Variants in DMRT3 observed in about 807,000 individuals in gnomAD.
DMRT3 encodes doublesex and mab-3 related transcription factor 3.
DMRT3 carries 29 observed loss-of-function variants against 34.9 expected under a neutral mutation model. The ratio of observed to expected loss-of-function variants is 0.83; its 90% CI spans 0.62 to 1.13. The LOEUF (loss-of-function observed/expected upper bound fraction) is 1.13. DMRT3 is among the 50% of genes most tolerant of loss of function. DMRT3 has a pLI of 0.00. For missense variants in DMRT3, 772 were observed against 629.1 expected (o/e 1.23, Z -2.43); for synonymous variants, 350 against 286.0 (o/e 1.22, Z -2.26).
Position 976,984 on chromosome 9 carries a change from C to A in DMRT3, c.-18C>A. The A allele has an allele frequency of 6.8e-7, 1 of 1,468,372 alleles. No homozygotes were observed. Among genetic ancestry groups the A allele is most frequent in the Non-Finnish European group, 9.0e-7 (1 of 1,107,690 alleles). The allele number at this position is 1,468,372 out of a possible 1,614,324, so 91.0% of individuals were successfully genotyped here. On this transcript the variant is annotated 5_prime_UTR_variant, in exon 1 of 2. Coordinates refer to ENST00000190165, the MANE Select transcript of DMRT3 (RefSeq NM_021240.4). The surrounding 1 kb of genome is among the most constrained non-coding windows in gnomAD (Gnocchi z 4.5). The stretch of plus-strand genomic sequence containing the variant: ...CTCTCCCGCAGCCAGGCTGCCAACT[C>A]ATTCGGGAGCCCGGGGCATGAACGG...
intron 1 of DMRT3, among the ~76,000 whole-genome samples, chr9:981,225 C>T (rs1405768724): frequency 6.6e-6 from 1 of 151,986 alleles, no homozygotes; most frequent in Non-Finnish European, 1.5e-5. Context: ...CTGGGCTTTT[C>T]TGCTCCGGCT....
chr9:977,503 T>A (rs761189699), intron 1 of DMRT3, 48 bp downstream of exon 1: 1 of 1,245,240 alleles, frequency 8.0e-7, no homozygotes, highest in Non-Finnish European at 1.0e-6. Context: ...GGGGGCAACT[T>A]CGGAGTGCCA....
At chr9:986,256 G>C (rs529382540) in intron 1 of DMRT3, among the ~76,000 whole-genome samples, 24 of 152,126 alleles carry the variant, frequency 1.6e-4, no homozygotes, top group African/African-American at 5.8e-4. Flanking sequence ...GTACAAGAGT[G>C]GAATTTTATA....
intron 1 of DMRT3, among the ~76,000 whole-genome samples, chr9:987,226 C>T (rs1435268153): frequency 6.6e-6 from 1 of 152,150 alleles, no homozygotes; most frequent in Non-Finnish European, 1.5e-5. Flanking sequence ...TTCCTCCAGC[C>T]CCTGACAACC....
At chr9:978,308 G>GTC (rs1286470153) in intron 1 of DMRT3, among the ~76,000 whole-genome samples, 15 of 152,150 alleles carry the variant, frequency 9.9e-5, no homozygotes, top group Admixed American at 2.0e-4. Flanking sequence ...GAGTCTCTTA[G>GTC]TCTCTCTCTT....
chr9:978,551 C>A (rs1820179655), intron 1 of DMRT3, among the ~76,000 whole-genome samples: 1 of 152,188 alleles, frequency 6.6e-6, no homozygotes, highest in Non-Finnish European at 1.5e-5. Context: ...TGCCAACTCC[C>A]TAAAGACGGT....
intron 1 of DMRT3, among the ~76,000 whole-genome samples, chr9:988,385 T>G (rs953127979): frequency 1.3e-5 from 2 of 152,238 alleles, no homozygotes; most frequent in African/African-American, 4.8e-5. Context: ...TTGCCACATA[T>G]TTATTGCTTT....
chr9:989,705 C>T (rs62530327), intron 1 of DMRT3: 501 of 187,634 alleles, frequency 2.7e-3, no homozygotes, highest in Non-Finnish European at 3.4e-3. Flanking sequence ...TTCCAGGAGT[C>T]CCCCACCCCT....
chr9:990,396 C>T lies in DMRT3; in HGVS notation c.810C>T (p.Ile270=). The T allele has an allele frequency of 2.5e-6, 4 of 1,614,090 alleles. No individual in the cohort carries two copies. The highest frequency in any genetic ancestry group is 2.5e-6 in the Non-Finnish European group (3 of 1,180,022). ...PNQKPTVLEL[I]LKGCGGDLVS... ...AGAAGCCAACGGTGCTTGAGCTCATCCTCAAGGGCTGTGGCGGGGACCTGG... is the reference window on the plus strand; with the variant it reads ...AGAAGCCAACGGTGCTTGAGCTCATTCTCAAGGGCTGTGGCGGGGACCTGG... The change falls in exon 2 of 2, where the codon ATC becomes ATT. Residue 270 remains isoleucine, a synonymous_variant. Transcript: ENST00000190165.
chr9:984,225 G>T (rs1820255298), intron 1 of DMRT3, among the ~76,000 whole-genome samples: 1 of 152,158 alleles, frequency 6.6e-6, no homozygotes, highest in Admixed American at 6.5e-5. Context: ...ATTTACAGGT[G>T]TGTTCCCCAC....
rs1820344350 is a variant in DMRT3 at position 990,491 on chromosome 9, C to A, written c.905C>A (p.Pro302His). ...GGAGCAGAGCGAACTTCCGCAGAAC[C>A]TGAGAGTCTAGCGTTGCCCTCCAAT... ...VTGAERTSAE[P>H]ESLALPSNGH... Residue 302 changes from proline (P) to histidine (H), a missense_variant, in exon 2 of 2, where the codon CCT becomes CAT. Coordinates refer to ENST00000190165, the MANE Select transcript of DMRT3 (RefSeq NM_021240.4). 6.2e-7 allele frequency: 1 copy of A among 1,614,066 alleles called. No individual in the cohort carries two copies. Among genetic ancestry groups the A allele is most frequent in the Non-Finnish European group, 8.5e-7 (1 of 1,180,042 alleles).
chr9:990,906 T>C lies in DMRT3; in HGVS notation c.1320T>C (p.Asp440=), dbSNP rs1399058801. ...ACCCTCGGATTTCCATCCCTGATGATGGGTGTCCATTTGTGTCAAAGCAGT... is the reference window on the plus strand; with the variant it reads ...ACCCTCGGATTTCCATCCCTGATGACGGGTGTCCATTTGTGTCAAAGCAGT... ...TEDPRISIPD[D]GCPFVSKQSI... Residue 440 remains aspartate (D), a synonymous_variant, in exon 2 of 2, where the codon GAT becomes GAC. Transcript: ENST00000190165. 1 of 1,614,156 alleles carries C rather than the reference T, an allele frequency of 6.2e-7. No individual in the cohort carries two copies. The highest frequency in any genetic ancestry group is 1.3e-5 in the African/African-American group (1 of 75,040).
chr9:985,006 A>G (rs769427642), intron 1 of DMRT3, among the ~76,000 whole-genome samples: 12 of 152,176 alleles, frequency 7.9e-5, no homozygotes, highest in Non-Finnish European at 1.5e-4. Flanking sequence ...CTTATGGCAT[A>G]TATATTTTGA....
chr9:989,849 C>G (rs1820330227), intron 1 of DMRT3, 192 bp from the exon 2 acceptor site: 1 of 651,582 alleles, frequency 1.5e-6, no homozygotes, highest in African/African-American at 1.8e-5. Context: ...ATTTCTAGAT[C>G]TTTATTTACA....
In DMRT3 at chr9:976,771, G is replaced by A. The variant is rs1469369570; in HGVS notation, c.-231G>A. Among the ~76,000 whole-genome samples, 2 of 152,184 alleles carry A rather than the reference G, an allele frequency of 1.3e-5. No homozygotes were observed. Among genetic ancestry groups the A allele is most frequent in the Admixed American group, 6.5e-5 (1 of 15,284 alleles). ...CTGCGCGCCCAAGGCAGAGGCCCGCGTCGGCGTTGGCTGGGCGTGAGCTGG... is the reference window on the plus strand; with the variant it reads ...CTGCGCGCCCAAGGCAGAGGCCCGCATCGGCGTTGGCTGGGCGTGAGCTGG... On this transcript the variant is annotated 5_prime_UTR_variant, in exon 1 of 2. Transcript: ENST00000190165. The surrounding 1 kb of genome is among the most constrained non-coding windows in gnomAD (Gnocchi z 4.5).
At position 990,229 on chromosome 9, in the gene DMRT3, G is replaced by A. The variant is rs749745516; in HGVS notation, c.643G>A (p.Glu215Lys). 4 of 1,613,892 alleles carry A rather than the reference G, an allele frequency of 2.5e-6. No homozygotes were observed. The highest frequency in any genetic ancestry group is 1.6e-4 in the Middle Eastern group (1 of 6,084). Reference sequence around the variant, plus strand: ...TGTCCAGAAAAACGGAGGCAACCCCGAGAGCCGCCCTGACAGCCCCAAGTG... The same window carrying A: ...TGTCCAGAAAAACGGAGGCAACCCCAAGAGCCGCCCTGACAGCCCCAAGTG... ...YAVQKNGGNP[E>K]SRPDSPKCHA... Residue 215 changes from glutamate to lysine, a missense_variant, in exon 2 of 2, where the codon GAG becomes AAG. Coordinates refer to ENST00000190165, the MANE Select transcript of DMRT3 (RefSeq NM_021240.4).
intron 1 of DMRT3, chr9:989,839 A>C: frequency 1.6e-6 from 1 of 607,456 alleles, no homozygotes; most frequent in Non-Finnish European, 2.7e-6. Flanking sequence ...AGCCACTCTG[A>C]TTTCTAGATC....
intron 1 of DMRT3, among the ~76,000 whole-genome samples, chr9:979,748 G>A (rs1417105683): frequency 6.6e-6 from 1 of 152,184 alleles, no homozygotes; most frequent in Non-Finnish European, 1.5e-5. Context: ...TGGGGTTTAA[G>A]CTGAAGAAAA....
chr9:983,187 A>G (rs1563688294), intron 1 of DMRT3, among the ~76,000 whole-genome samples: 1 of 152,212 alleles, frequency 6.6e-6, no homozygotes, highest in East Asian at 1.9e-4. Context: ...AAGTAACAAT[A>G]ATAATAATGA....
Sources: allele counts gnomAD v4.1 joint callset (sites outside exome capture counted in the v4.1 genomes callset), GRCh38; gene constraint gnomAD v4.1.1; non-coding constraint Gnocchi (gnomAD v3.1); transcripts MANE v1.5; gene names NCBI Gene and HGNC (gene_info 2026-07-23, HGNC 2026-07-21).